CLHC1: variants seen among roughly 807,000 people sequenced by gnomAD.
The protein encoded by CLHC1 is clathrin heavy chain linker domain containing 1.
In CLHC1, 72 loss-of-function variants were observed where a neutral mutation model predicts 69.5. The ratio of observed to expected loss-of-function variants is 1.04; its 90% CI spans 0.86 to 1.26. The LOEUF is 1.26. Ranked by LOEUF, CLHC1 falls within the 50% of genes most tolerant of loss-of-function variation. The pLI is 0.00. For synonymous variants in CLHC1, 223 were observed against 224.3 expected (o/e 0.99, Z 0.05); for missense variants, 790 against 679.3 (o/e 1.16, Z -1.81).
rs1439308990 is a variant in CLHC1 at position 55,173,217 on chromosome 2, T to C, written c.*2573A>G. The stretch of plus-strand genomic sequence containing the variant: ...CACATGAACGTTGGTTAAATCTTCA[T>C]TGGAACAATTCAAATGTTAAAAGGC... On this transcript the variant is annotated 3_prime_UTR_variant, in exon 13 of 13. Transcript: ENST00000401408. 1.3e-5 allele frequency among the ~76,000 whole-genome samples: 2 copies of C among 152,226 alleles called. No homozygotes were observed. The highest frequency in any genetic ancestry group is 2.4e-5 in the African/African-American group (1 of 41,454).
At chr2:55,212,632 A>C in intron 5 of CLHC1, 41 bp downstream of exon 5, 1 of 1,508,272 alleles carries the variant, frequency 6.6e-7, no homozygotes. Flanking sequence ...AATTGGAAAT[A>C]ATCAGGATTT....
At chr2:55,193,612 G>C (rs1671133472) in intron 9 of CLHC1, among the ~76,000 whole-genome samples, 1 of 152,070 alleles carries the variant, frequency 6.6e-6, no homozygotes, top group Non-Finnish European at 1.5e-5. Flanking sequence ...TTATTAGAAA[G>C]TCTATAATCA....
At position 55,228,966 on chromosome 2, in the gene CLHC1, A is replaced by G. The variant is rs537638639; in HGVS notation, c.-255-762T>C. ...GGAGTTTGAGATCAGTCTGGCCAAC[A>G]TGGCAAAACCCAGTCTCTATTAAAG... On this transcript the variant is annotated intron_variant, in intron 1 of 12. Transcript: ENST00000401408. 4.2e-4 allele frequency among the ~76,000 whole-genome samples: 64 copies of G among 152,232 alleles called. No individual in the cohort carries two copies. In the East Asian group the frequency reaches 0.011, roughly 27 times the overall value.
intron 9 of CLHC1, among the ~76,000 whole-genome samples, chr2:55,199,705 T>C (rs565177990): frequency 6.6e-6 from 1 of 152,062 alleles, no homozygotes; most frequent in African/African-American, 2.4e-5. Context: ...TATTTGCAAG[T>C]CTCATGATAA....
In CLHC1 at chr2:55,209,463, T is replaced by C. The variant is rs374234407; in HGVS notation, c.755A>G (p.Asp252Gly). 12 of 1,612,642 alleles carry C rather than the reference T, an allele frequency of 7.4e-6. No individual in the cohort carries two copies. The highest frequency in any genetic ancestry group is 6.7e-5 in the Admixed American group (4 of 59,720). ...AAAGTCTTGAAATGGGCTGCTCATA[T>C]CAGATTTTACCCATGAACTAAGTGC... ...SQALSSWVKS[D>G]MSSPFQDFVE... The change falls in exon 7 of 13, where the codon GAT becomes GGT. Residue 252 changes from aspartate to glycine, a missense_variant. Physicochemically the swap from Asp to Gly is moderately conservative, Grantham distance 94. Transcript: ENST00000401408.
chr2:55,179,877 G>C (rs1254227802), intron 11 of CLHC1, among the ~76,000 whole-genome samples: 1 of 152,126 alleles, frequency 6.6e-6, no homozygotes, highest in Non-Finnish European at 1.5e-5. Flanking sequence ...ATCACAGGCT[G>C]GGTGCGGTGG....
chr2:55,222,184 G>T (rs1346481303), intron 3 of CLHC1, 51 bp downstream of exon 3: 2 of 1,287,566 alleles, frequency 1.6e-6, no homozygotes, highest in Non-Finnish European at 1.1e-6. Context: ...TGTCAACATA[G>T]ATCATTGCTA....
At position 55,181,748 on chromosome 2, in the gene CLHC1, C is replaced by A; in HGVS notation, c.1007-4G>T. 1 of 1,607,074 alleles carries A rather than the reference C, an allele frequency of 6.2e-7. No individual in the cohort carries two copies. The highest frequency in any genetic ancestry group is 8.5e-7 in the Non-Finnish European group (1 of 1,177,958). On this transcript the variant is annotated splice_region_variant and splice_polypyrimidine_tract_variant and intron_variant, in intron 9 of 12. Coordinates refer to ENST00000401408, the MANE Select transcript of CLHC1 (RefSeq NM_152385.4). The stretch of plus-strand genomic sequence containing the variant: ...TTTCCTCTAATTTTTCCAACAGCTA[C>A]AGAAAGGAGAAAATTTTCTGAGTCA...
intron 2 of CLHC1, among the ~76,000 whole-genome samples, chr2:55,226,963 ATAAG>A (rs1226827524): frequency 6.6e-6 from 1 of 152,226 alleles, no homozygotes; most frequent in East Asian, 1.9e-4. Context: ...CAATGCCATG[ATAAG>A]TAAGTGTCTC....
Position 55,206,347 on chromosome 2 carries a change from T to C in CLHC1, c.929A>G (p.Tyr310Cys). 6.2e-7 allele frequency: 1 copy of C among 1,608,638 alleles called. No individual in the cohort carries two copies. The change falls in exon 9 of 13, where the codon TAT becomes TGT. Residue 310 changes from tyrosine (Y) to cysteine (C), a missense_variant. Physicochemically the swap from Tyr to Cys is radical, Grantham distance 194 (BLOSUM62 -2). Coordinates refer to ENST00000401408, the MANE Select transcript of CLHC1 (RefSeq NM_152385.4). Reference protein sequence around the residue: ...RFNELISLGEYEKAACYAANS... With the variant: ...RFNELISLGECEKAACYAANS... ...TGCTGCATAACAAGCTGCCTTTTCATATTCACCAAGTGAGATTAACTCATT... is the reference window on the plus strand; with the variant it reads ...TGCTGCATAACAAGCTGCCTTTTCACATTCACCAAGTGAGATTAACTCATT...
intron 2 of CLHC1, among the ~76,000 whole-genome samples, chr2:55,223,630 G>T (rs553981611): frequency 6.6e-6 from 1 of 152,026 alleles, no homozygotes; most frequent in African/African-American, 2.4e-5. Flanking sequence ...CGGCTCTGGG[G>T]CGAGGGAGGG....
rs561837633 is a variant in CLHC1 at position 55,184,919 on chromosome 2, A to AACACACACACAC, written c.1007-3187_1007-3176dup. ...GACTCCATCTCAAAAAAAAAAACAA[A>AACACACACACAC]ACACACACACACACACACACACACA... On this transcript the variant is annotated intron_variant, in intron 9 of 12. Transcript: ENST00000401408. Among the ~76,000 whole-genome samples, 115 of 126,092 alleles carry AACACACACACAC rather than the reference A, an allele frequency of 9.1e-4. 1 individual carries two copies. Among genetic ancestry groups the AACACACACACAC allele is most frequent in the Middle Eastern group, 4.0e-3 (1 of 248 alleles). 82.7% of individuals were successfully genotyped at this position (126,092 alleles called of 152,430 possible).
intron 9 of CLHC1, among the ~76,000 whole-genome samples, chr2:55,183,535 T>C (rs1670121433): frequency 1.3e-5 from 2 of 152,216 alleles, no homozygotes. Context: ...CTGCGTCCGA[T>C]TGAGGGTCTA....
intron 8 of CLHC1, among the ~76,000 whole-genome samples, chr2:55,208,351 T>G (rs1273255625): frequency 6.6e-6 from 1 of 152,206 alleles, no homozygotes; most frequent in African/African-American, 2.4e-5. Flanking sequence ...TCTAATAATT[T>G]TGTGCATGAA....
At chr2:55,180,162 T>C (rs12619821) in intron 11 of CLHC1, among the ~76,000 whole-genome samples, 1 of 145,290 alleles carries the variant, frequency 6.9e-6, no homozygotes. Context: ...CAAAAAAAAA[T>C]ATATATATAT....
intron 2 of CLHC1, chr2:55,224,211 G>T (rs1674468207): frequency 3.3e-6 from 1 of 302,624 alleles, no homozygotes; most frequent in South Asian, 2.7e-5. Flanking sequence ...CAGTTCAAGC[G>T]AAGGGAGGTC....
chr2:55,230,318 A>G (rs1007591268), intron 1 of CLHC1, among the ~76,000 whole-genome samples: 1 of 152,220 alleles, frequency 6.6e-6, no homozygotes, highest in Non-Finnish European at 1.5e-5. Flanking sequence ...AAGGATAATC[A>G]TAAAGTTTTT....
chr2:55,214,775 A>C (rs1673337026), intron 4 of CLHC1: 1 of 152,252 alleles, frequency 6.6e-6, no homozygotes, highest in Admixed American at 6.5e-5. Context: ...GGCATTATTC[A>C]CATAGCCAAA....
chr2:55,214,229 G>A (rs1573737187), intron 4 of CLHC1, among the ~76,000 whole-genome samples: 1 of 152,268 alleles, frequency 6.6e-6, no homozygotes, highest in Non-Finnish European at 1.5e-5. Flanking sequence ...ACAAGTTTGG[G>A]CTGGGCGCGG....
Sources: allele counts gnomAD v4.1 joint callset (sites outside exome capture counted in the v4.1 genomes callset), GRCh38; gene constraint gnomAD v4.1.1; transcripts MANE v1.5; gene names NCBI Gene and HGNC (gene_info 2026-07-23, HGNC 2026-07-21).